Variants in PPFIA3 observed in about 807,000 individuals in gnomAD.
PPFIA3 encodes the protein liprin-alpha-3.
Under a neutral mutation model 145.8 loss-of-function variants are expected in PPFIA3, and 26 were observed. The observed-to-expected ratio is 0.18, with a 90% CI of 0.13 to 0.25. The LOEUF (loss-of-function observed/expected upper bound fraction) is 0.25, where lower values mean the gene tolerates loss of function less well. PPFIA3 is among the 10% of genes least tolerant of loss of function. The pLI, the probability that PPFIA3 is intolerant of heterozygous loss-of-function variation, is 1.00. For missense variants in PPFIA3, 1,008 were observed against 1,587.8 expected (o/e 0.63, Z 6.21); for synonymous variants, 645 against 661.4 (o/e 0.98, Z 0.38).
intron 1 of PPFIA3, among the ~76,000 whole-genome samples, chr19:49,125,990 C>A (rs933484832): frequency 1.3e-5 from 2 of 151,172 alleles, no homozygotes; most frequent in African/African-American, 2.4e-5. Context: ...CTCTCTATAT[C>A]GCCAAGCTGG....
rs2041107338 is a variant in PPFIA3 at position 49,134,015 on chromosome 19, C to G, written c.1246-19C>G. Reference sequence around the variant, plus strand: ...GGGCAGGGTGGGCTTAACAACCCGCCCCGCTCTGCTTTGCGCAGGCCCGGC... The same window carrying G: ...GGGCAGGGTGGGCTTAACAACCCGCGCCGCTCTGCTTTGCGCAGGCCCGGC... On this transcript the variant is annotated intron_variant, in intron 10 of 29. Transcript: ENST00000334186. 2 of 1,608,938 alleles carry G rather than the reference C, an allele frequency of 1.2e-6. No homozygotes were observed. The highest frequency in any genetic ancestry group is 4.5e-5 in the East Asian group (2 of 44,836).
intron 23 of PPFIA3, among the ~76,000 whole-genome samples, chr19:49,147,488 C>G (rs2122652834): frequency 6.6e-6 from 1 of 152,152 alleles, no homozygotes; most frequent in African/African-American, 2.4e-5. Context: ...GAGTTTGAGA[C>G]CAGCCTGGCC....
In PPFIA3 at chr19:49,149,486, G is replaced by T. The variant is rs1190606136; in HGVS notation, c.3355-61G>T. On this transcript the variant is annotated intron_variant, in intron 27 of 29. Coordinates refer to ENST00000334186, the MANE Select transcript of PPFIA3 (RefSeq NM_003660.4). The surrounding 1 kb of genome is among the most constrained non-coding windows in gnomAD (Gnocchi z 5.7). ...AGACCCGGAGAGGGGTGGAGTCAAA[G>T]GAAGGGGCGGAGTCAGACAAGGCAG... 6.9e-6 allele frequency: 11 copies of T among 1,605,564 alleles called. No homozygotes were observed. The South Asian group carries it at 8.8e-5, about 13-fold the overall frequency.
At chr19:49,150,011 G>A (rs899556068) in intron 28 of PPFIA3, 69 bp from the exon 29 acceptor site, 3 of 1,522,866 alleles carry the variant, frequency 2.0e-6, no homozygotes, top group Non-Finnish European at 1.8e-6. Flanking sequence ...GAAGTCCAAA[G>A]GGAGGAATCC....
At chr19:49,125,074 A>T (rs112314355) in intron 1 of PPFIA3, among the ~76,000 whole-genome samples, 3,531 of 152,318 alleles carry the variant, frequency 0.023, 141 homozygotes, top group African/African-American at 0.081. Flanking sequence ...CTCAAAAAAA[A>T]AAAATAGAGA....
At position 49,134,525 on chromosome 19, in the gene PPFIA3, A is replaced by T. The variant is rs77578447; in HGVS notation, c.1378-114A>T. The T allele has an allele frequency of 9.2e-5, 90 of 978,242 alleles. 1 individual carries two copies. The highest frequency in any genetic ancestry group is 5.8e-4 in the East Asian group (24 of 41,732). 60.6% of individuals were successfully genotyped at this position (978,242 alleles called of 1,614,324 possible). ...CCCCCGAAACTCACCACTTGTGTCCATCTCATTCCTCCTGGGTCCCCTCAG... is the reference window on the plus strand; with the variant it reads ...CCCCCGAAACTCACCACTTGTGTCCTTCTCATTCCTCCTGGGTCCCCTCAG... On this transcript the variant is annotated intron_variant, in intron 11 of 29. Transcript: ENST00000334186.
chr19:49,147,716 G>GAGAA (rs910678551), intron 23 of PPFIA3, among the ~76,000 whole-genome samples: 4 of 138,210 alleles, frequency 2.9e-5, no homozygotes, highest in Non-Finnish European at 6.1e-5. Context: ...GAGAGAAAGA[G>GAGAA]AGAAAGAAAG....
intron 23 of PPFIA3, among the ~76,000 whole-genome samples, chr19:49,147,289 C>T (rs886649968): frequency 3.9e-4 from 59 of 152,122 alleles, no homozygotes; most frequent in African/African-American, 1.3e-3. Flanking sequence ...GGGTGGCACA[C>T]ACCTGTAGTC....
At chr19:49,125,924 A>AT (rs1000727029) in intron 1 of PPFIA3, among the ~76,000 whole-genome samples, 17 of 108,196 alleles carry the variant, frequency 1.6e-4, no homozygotes, top group African/African-American at 4.9e-4. Context: ...CCATACTGGT[A>AT]TTTTTTTTGT....
intron 20 of PPFIA3, among the ~76,000 whole-genome samples, chr19:49,142,508 A>C (rs1396884284): frequency 3.0e-4 from 39 of 129,450 alleles, no homozygotes; most frequent in South Asian, 8.1e-4. Flanking sequence ...GTCTCTCCCC[A>C]CCCTCTATTT....
rs754265390 is a variant in PPFIA3 at position 49,133,382 on chromosome 19, G to T, written c.1161+11G>T. ...GCGGCGCTCAACAAGGTGCGGGGAGGACTCGGGTCGGGGCCTTGCGTGGGG... is the reference window on the plus strand; with the variant it reads ...GCGGCGCTCAACAAGGTGCGGGGAGTACTCGGGTCGGGGCCTTGCGTGGGG... On this transcript the variant is annotated intron_variant, in intron 9 of 29. Transcript: ENST00000334186. The surrounding 1 kb of genome is among the most constrained non-coding windows in gnomAD (Gnocchi z 7.2). The T allele has an allele frequency of 3.1e-6, 5 of 1,592,562 alleles. No homozygotes were observed. Among genetic ancestry groups the T allele is most frequent in the Admixed American group, 1.7e-5 (1 of 57,256 alleles).
chr19:49,131,106 C>T (rs1312741452), intron 7 of PPFIA3, among the ~76,000 whole-genome samples: 1 of 148,338 alleles, frequency 6.7e-6, no homozygotes. Context: ...ACTCTTGATC[C>T]GCCCACCTCG....
chr19:49,149,346 G>A lies in PPFIA3; in HGVS notation c.3354+21G>A, dbSNP rs764208418. Reference sequence around the variant, plus strand: ...ACGAGGTGGGCGCGGCAACAGCTCAGAGGGCTCTGCTCCCAGCGGCTCCTC... The same window carrying A: ...ACGAGGTGGGCGCGGCAACAGCTCAAAGGGCTCTGCTCCCAGCGGCTCCTC... On this transcript the variant is annotated intron_variant, in intron 27 of 29. Coordinates refer to ENST00000334186, the MANE Select transcript of PPFIA3 (RefSeq NM_003660.4). The surrounding 1 kb of genome is among the most constrained non-coding windows in gnomAD (Gnocchi z 5.7). 88 of 1,613,296 alleles carry A rather than the reference G, an allele frequency of 5.5e-5. No homozygotes were observed. Among genetic ancestry groups the A allele is most frequent in the Non-Finnish European group, 7.0e-5 (83 of 1,179,636 alleles).
chr19:49,129,658 C>T (rs1044784602), intron 5 of PPFIA3, among the ~76,000 whole-genome samples: 2 of 152,098 alleles, frequency 1.3e-5, no homozygotes, highest in African/African-American at 4.8e-5. Flanking sequence ...GGAGAATCTC[C>T]CAGTGAGAGT....
chr19:49,128,647 C>G lies in PPFIA3; in HGVS notation c.342+179C>G. Reference sequence around the variant, plus strand: ...TCTCCCACTCTGGTGCCACTCCTTCCTCCCTGTCTCCATAACTTTTCTCTT... The same window carrying G: ...TCTCCCACTCTGGTGCCACTCCTTCGTCCCTGTCTCCATAACTTTTCTCTT... On this transcript the variant is annotated intron_variant, in intron 3 of 29. Coordinates refer to ENST00000334186, the MANE Select transcript of PPFIA3 (RefSeq NM_003660.4). This position sits in a 1 kb window ranked among gnomAD's most constrained non-coding sequence, Gnocchi z 4.1. 1.4e-6 allele frequency: 1 copy of G among 739,246 alleles called. No individual in the cohort carries two copies. The highest frequency in any genetic ancestry group is 2.2e-6 in the Non-Finnish European group (1 of 456,682). The allele number at this position is 739,246 out of a possible 1,614,324, so 45.8% of individuals were successfully genotyped here.
intron 1 of PPFIA3, among the ~76,000 whole-genome samples, chr19:49,123,116 C>T (rs189381050): frequency 6.6e-6 from 1 of 151,560 alleles, no homozygotes; most frequent in African/African-American, 2.4e-5. Flanking sequence ...GCAACCTCTG[C>T]CTCCCGGGTT....
Position 49,120,003 on chromosome 19 carries a change from C to T in PPFIA3, c.-16+281C>T, listed in dbSNP as rs1315040739. ...CCGGGACCCCTCCTAGAGCCTAGAT[C>T]CCCCTTCCTGACCCTGTCCTGGGAG... On this transcript the variant is annotated intron_variant, in intron 1 of 29. Transcript: ENST00000334186. This position sits in a 1 kb window ranked among gnomAD's most constrained non-coding sequence, Gnocchi z 4.6. Among the ~76,000 whole-genome samples the T allele has an allele frequency of 1.3e-5, 2 of 152,094 alleles. No homozygotes were observed. Among genetic ancestry groups the T allele is most frequent in the African/African-American group, 2.4e-5 (1 of 41,534 alleles).
rs921704949 is a variant in PPFIA3, at chr19:49,120,598, C to G, written c.-16+876C>G. ...CCAGCGTTTGCTCTGCTTAGAACCCCGCTGTGCCCTGCAGACACACAGACT... is the reference window on the plus strand; with the variant it reads ...CCAGCGTTTGCTCTGCTTAGAACCCGGCTGTGCCCTGCAGACACACAGACT... On this transcript the variant is annotated intron_variant, in intron 1 of 29. Coordinates refer to ENST00000334186, the MANE Select transcript of PPFIA3 (RefSeq NM_003660.4). The surrounding 1 kb of genome is among the most constrained non-coding windows in gnomAD (Gnocchi z 4.6). Among the ~76,000 whole-genome samples the G allele has an allele frequency of 6.6e-6, 1 of 152,184 alleles. No individual in the cohort carries two copies. The highest frequency in any genetic ancestry group is 2.4e-5 in the African/African-American group (1 of 41,446).
At chr19:49,138,561 C>G in intron 16 of PPFIA3, 134 bp downstream of exon 16, 1 of 689,516 alleles carries the variant, frequency 1.5e-6, no homozygotes, top group Non-Finnish European at 2.1e-6. Context: ...CCTAAAGGTT[C>G]AAACTCAAAG....
Sources: gnomAD v4.1 joint callset for allele counts (sites outside exome capture counted in the v4.1 genomes callset) on GRCh38, gnomAD v4.1.1 for gene constraint, Gnocchi (gnomAD v3.1) non-coding constraint, MANE v1.5 for transcripts, NCBI Gene and HGNC (gene_info 2026-07-23, HGNC 2026-07-21) for gene names.